NETO1: variants seen among roughly 807,000 people sequenced by gnomAD.
NETO1 encodes neuropilin and tolloid like 1.
In NETO1, 26 loss-of-function variants were observed where a neutral mutation model predicts 61.3. That is an observed-to-expected ratio of 0.42 (90% confidence interval 0.31 to 0.59). The LOEUF (loss-of-function observed/expected upper bound fraction) is 0.59. Ranked by LOEUF, NETO1 falls within the 20% of genes least tolerant of loss-of-function variation. NETO1 has a pLI of 0.12. For missense variants in NETO1, 531 were observed against 662.8 expected, an observed-to-expected ratio of 0.80 and a Z score of 2.18; for synonymous variants, 225 against 225.8, an observed-to-expected ratio of 1.00 and a Z score of 0.03.
intron 7 of NETO1, among the ~76,000 whole-genome samples, chr18:72,775,790 A>C (rs1341318085): frequency 6.6e-6 from 1 of 152,202 alleles, no homozygotes; most frequent in Non-Finnish European, 1.5e-5. Context: ...CAGTTCTGTT[A>C]ACAAATCATT....
At chr18:72,840,640 ATT>A (rs35930228) in intron 4 of NETO1, among the ~76,000 whole-genome samples, 62 of 151,736 alleles carry the variant, frequency 4.1e-4, no homozygotes, top group Admixed American at 9.2e-4. Context: ...AAATTCAGAG[ATT>A]TTTTTTTTTA....
chr18:72,867,788 C>T lies in NETO1; in HGVS notation c.-497G>A, dbSNP rs2074786194. ...GCAGCGACGGAGCGGGCGGCGGCGGCGGCGCCGGCGGCGGCGGGGTGGCTC... is the reference window on the plus strand; with the variant it reads ...GCAGCGACGGAGCGGGCGGCGGCGGTGGCGCCGGCGGCGGCGGGGTGGCTC... On this transcript the variant is annotated 5_prime_UTR_variant, in exon 1 of 11. Transcript: ENST00000327305. 1 of 157,598 alleles carries T rather than the reference C, an allele frequency of 6.3e-6. No homozygotes were observed. Among genetic ancestry groups the T allele is most frequent in the Non-Finnish European group, 1.4e-5 (1 of 73,934 alleles). The allele number at this position is 157,598 out of a possible 1,614,324, so 9.8% of individuals were successfully genotyped here.
rs573265565 is a variant in NETO1, at chr18:72,766,562, G to A, written c.869-10415C>T. Among the ~76,000 whole-genome samples, 3 of 152,086 alleles carry A rather than the reference G, an allele frequency of 2.0e-5. No individual in the cohort carries two copies. The East Asian group carries it at 5.8e-4, about 29-fold the overall frequency. ...AAAATCAATATGTTTTCAAAACTCT[G>A]TTCCAATATGACTTTTACTTTGAAA... On this transcript the variant is annotated intron_variant, in intron 7 of 10. Coordinates refer to ENST00000327305, the MANE Select transcript of NETO1 (RefSeq NM_138966.5).
intron 3 of NETO1, among the ~76,000 whole-genome samples, 171 bp downstream of exon 3, chr18:72,864,637 A>G (rs1376856412): frequency 1.3e-5 from 2 of 152,224 alleles, no homozygotes; most frequent in African/African-American, 4.8e-5. Context: ...GTTAATCTCA[A>G]TAATTAGCCT....
Position 72,864,843 on chromosome 18 carries a change from T to C in NETO1, c.185A>G (p.Tyr62Cys). ...IFTSPNYPSK[Y>C]PPDRECIYII... ...GTAGATGCATTCCCGGTCAGGGGGA[T>C]ACTTGCTGGGATAGTTGGGAGAGGT... The change falls in exon 3 of 11, where the codon TAT becomes TGT. Residue 62 changes from tyrosine to cysteine, a missense_variant. By Grantham distance (194) the Tyr-to-Cys change is radical. Coordinates refer to ENST00000327305, the MANE Select transcript of NETO1 (RefSeq NM_138966.5). 3 of 1,614,150 alleles carry C rather than the reference T, an allele frequency of 1.9e-6. No homozygotes were observed. Among genetic ancestry groups the C allele is most frequent in the Non-Finnish European group, 2.5e-6 (3 of 1,180,020 alleles).
intron 7 of NETO1, among the ~76,000 whole-genome samples, chr18:72,770,752 A>G (rs563880703): frequency 6.6e-6 from 1 of 152,280 alleles, no homozygotes; most frequent in South Asian, 2.1e-4. Flanking sequence ...TATAGTGAAT[A>G]GAATGTCTTT....
rs148201367 is a variant in NETO1, at chr18:72,817,017, G to A, written c.470-22613C>T. Among the ~76,000 whole-genome samples the A allele has an allele frequency of 7.2e-5, 11 of 152,258 alleles. No individual in the cohort carries two copies. The East Asian group carries it at 2.1e-3, about 29-fold the overall frequency. Reference sequence around the variant, plus strand: ...TATTACAGCCAGGGGGCACCCTCCGGTACGTCTATATTCAAAGATGCTCTC... The same window carrying A: ...TATTACAGCCAGGGGGCACCCTCCGATACGTCTATATTCAAAGATGCTCTC... On this transcript the variant is annotated intron_variant, in intron 4 of 10. Coordinates refer to ENST00000327305, the MANE Select transcript of NETO1 (RefSeq NM_138966.5).
At chr18:72,839,041 C>T (rs1329274707) in intron 4 of NETO1, among the ~76,000 whole-genome samples, 1 of 152,172 alleles carries the variant, frequency 6.6e-6, no homozygotes, top group African/African-American at 2.4e-5. Context: ...TATTTTCCTA[C>T]TGTACCACTA....
intron 4 of NETO1, among the ~76,000 whole-genome samples, chr18:72,828,100 C>A (rs1375560715): frequency 2.0e-5 from 3 of 152,178 alleles, no homozygotes; most frequent in Non-Finnish European, 4.4e-5. Context: ...ATCACCTGAG[C>A]TCAGGAGTTC....
chr18:72,768,246 T>G (rs1236358718), intron 7 of NETO1, among the ~76,000 whole-genome samples: 3 of 152,124 alleles, frequency 2.0e-5, no homozygotes, highest in Admixed American at 1.3e-4. Flanking sequence ...ACTTTTTTAT[T>G]TTTTTCTACA....
intron 7 of NETO1, among the ~76,000 whole-genome samples, chr18:72,769,954 C>T (rs1213717791): frequency 6.6e-6 from 1 of 151,992 alleles, no homozygotes; most frequent in East Asian, 1.9e-4. Context: ...GATATTCTAT[C>T]TTTGTTCCCT....
At chr18:72,795,483 T>TA (rs529258065) in intron 4 of NETO1, among the ~76,000 whole-genome samples, 105 of 152,326 alleles carry the variant, frequency 6.9e-4, no homozygotes, top group Non-Finnish European at 1.3e-3. Context: ...TTCCTATTTT[T>TA]AAAAAATTCT....
rs1241025375 is a variant in NETO1 at position 72,746,473 on chromosome 18, A to C, written c.*1706T>G. Among the ~76,000 whole-genome samples, 1 of 152,170 alleles carries C rather than the reference A, an allele frequency of 6.6e-6. No individual in the cohort carries two copies. Among genetic ancestry groups the C allele is most frequent in the East Asian group, 1.9e-4 (1 of 5,204 alleles). On this transcript the variant is annotated 3_prime_UTR_variant, in exon 11 of 11. Coordinates refer to ENST00000327305, the MANE Select transcript of NETO1 (RefSeq NM_138966.5). Reference sequence around the variant, plus strand: ...AAAACCTTTTCTGATTCCCTAGTTTATCAAATTCATTGAAGTGATTCTGTA... The same window carrying C: ...AAAACCTTTTCTGATTCCCTAGTTTCTCAAATTCATTGAAGTGATTCTGTA...
intron 4 of NETO1, among the ~76,000 whole-genome samples, chr18:72,831,587 C>A (rs947993976): frequency 1.3e-5 from 2 of 152,190 alleles, no homozygotes; most frequent in Non-Finnish European, 2.9e-5. Context: ...CAATTCCACC[C>A]TCTCCCAATA....
At chr18:72,865,349 T>C (rs980848560) in intron 1 of NETO1, 108 bp from the exon 2 acceptor site, 78 of 1,202,164 alleles carry the variant, frequency 6.5e-5, no homozygotes, top group Non-Finnish European at 8.4e-5. Flanking sequence ...ATTAATTTTT[T>C]CATTGTTAAC....
chr18:72,823,971 G>A (rs1279409548), intron 4 of NETO1, among the ~76,000 whole-genome samples: 1 of 152,194 alleles, frequency 6.6e-6, no homozygotes, highest in South Asian at 2.1e-4. Flanking sequence ...CACTGGAGGG[G>A]CTTGTAAAGA....
intron 6 of NETO1, among the ~76,000 whole-genome samples, chr18:72,785,334 C>G (rs558851291): frequency 1.3e-5 from 2 of 152,140 alleles, no homozygotes; most frequent in African/African-American, 4.8e-5. Context: ...TGTTCGTACT[C>G]AACAGGGCAC....
chr18:72,748,199 A>G (rs1024112799), intron 10 of NETO1, 35 bp from the exon 11 acceptor site: 2 of 982,262 alleles, frequency 2.0e-6, no homozygotes, highest in African/African-American at 1.7e-5. Context: ...ATTTTCTCCC[A>G]ATGAAAAATG....
chr18:72,809,217 AT>A (rs1321684141), intron 4 of NETO1, among the ~76,000 whole-genome samples: 7 of 152,236 alleles, frequency 4.6e-5, no homozygotes, highest in East Asian at 1.9e-4. Context: ...AGGCAAAAAA[AT>A]ATATGCCAGA....
Sources: gnomAD v4.1 joint callset for allele counts (sites outside exome capture counted in the v4.1 genomes callset) on GRCh38, gnomAD v4.1.1 for gene constraint, MANE v1.5 for transcripts, NCBI Gene and HGNC (gene_info 2026-07-23, HGNC 2026-07-21) for gene names.